The following SNX7 variants were observed in gnomAD, a reference collection of about 807,000 sequenced individuals.
SNX7 encodes sorting nexin-7.
A neutral mutation model predicts 48.4 loss-of-function variants in SNX7; 35 were observed. The ratio of observed to expected loss-of-function variants is 0.72; its 90% CI spans 0.55 to 0.96. SNX7 has a LOEUF of 0.96. Among genes scored for constraint, SNX7 ranks in the 40% least tolerant of loss-of-function variants. The pLI is 0.00. For missense variants in SNX7, 553 were observed against 548.9 expected, an observed-to-expected ratio of 1.01 and a Z score of -0.07; for synonymous variants, 190 against 190.2, an observed-to-expected ratio of 1.00 and a Z score of 0.01.
chr1:98,754,814 C>T (rs1358968388), intron 8 of SNX7, among the ~76,000 whole-genome samples: 2 of 151,564 alleles, frequency 1.3e-5, no homozygotes, highest in African/African-American at 4.8e-5. Context: ...CATTGAGTCC[C>T]ACTTTGCTCT....
chr1:98,661,717 G>A (rs1166878830), upstream of SNX7: 3 of 1,215,552 alleles, frequency 2.5e-6, no homozygotes, highest in African/African-American at 3.2e-5. Context: ...GGCCGGCTGG[G>A]CGCGCACTCT....
chr1:98,683,902 T>G (rs889383963), intron 1 of SNX7, among the ~76,000 whole-genome samples: 4 of 152,176 alleles, frequency 2.6e-5, no homozygotes, highest in African/African-American at 7.2e-5. Context: ...GCCCTCGAGC[T>G]CAGACCTTTC....
rs1342799122 is a variant in SNX7, at chr1:98,735,255, GAT to G, written c.1126-2978_1126-2977del. ...TATGCTTTTGTAAGTTGTTAGGAAA[GAT>G]ATAGTGCAGATTATTCTTAATTTGA... On this transcript the variant is annotated intron_variant, in intron 7 of 8. Coordinates refer to ENST00000306121, the MANE Select transcript of SNX7 (RefSeq NM_015976.5). 5.3e-5 allele frequency among the ~76,000 whole-genome samples: 8 copies of G among 152,104 alleles called. 1 individual carries two copies. Among genetic ancestry groups the G allele is most frequent in the Admixed American group, 3.3e-4 (5 of 15,240 alleles).
At chr1:98,695,186 G>A (rs1651383574) in intron 4 of SNX7, among the ~76,000 whole-genome samples, 1 of 152,050 alleles carries the variant, frequency 6.6e-6, no homozygotes, top group Non-Finnish European at 1.5e-5. Flanking sequence ...ATAAAATATA[G>A]ATGGTATGTC....
intron 7 of SNX7, among the ~76,000 whole-genome samples, chr1:98,731,046 G>C (rs1315906871): frequency 6.6e-6 from 1 of 151,958 alleles, no homozygotes; most frequent in Non-Finnish European, 1.5e-5. Flanking sequence ...TGGGTGATGG[G>C]TTGATAGGTG....
chr1:98,724,597 A>G (rs1165228925), intron 7 of SNX7, among the ~76,000 whole-genome samples: 1 of 152,176 alleles, frequency 6.6e-6, no homozygotes. Context: ...GTATGTATAG[A>G]GACAATCACG....
intron 8 of SNX7, among the ~76,000 whole-genome samples, chr1:98,739,194 A>G (rs997158468): frequency 3.3e-5 from 5 of 151,764 alleles, no homozygotes; most frequent in Admixed American, 6.6e-5. Flanking sequence ...TAGCGTTCAC[A>G]CTCTTGTGAG....
intron 6 of SNX7, among the ~76,000 whole-genome samples, chr1:98,701,575 T>A (rs1223547289): frequency 6.6e-6 from 1 of 151,864 alleles, no homozygotes; most frequent in African/African-American, 2.4e-5. Flanking sequence ...ATGGGTAAAA[T>A]GTGCATTAGG....
At chr1:98,711,425 C>T (rs545380507) in intron 7 of SNX7, among the ~76,000 whole-genome samples, 1,941 of 152,238 alleles carry the variant, frequency 0.013, 54 homozygotes, top group African/African-American at 0.045. Context: ...TTATTACAGG[C>T]ATACCTTGGA....
intron 1 of SNX7, among the ~76,000 whole-genome samples, chr1:98,673,886 ACT>A (rs1183392417): frequency 6.6e-6 from 1 of 151,872 alleles, no homozygotes; most frequent in Non-Finnish European, 1.5e-5. Flanking sequence ...CACTTAGAAA[ACT>A]CTCAGTATTT....
intron 1 of SNX7, among the ~76,000 whole-genome samples, chr1:98,682,497 A>T (rs1221294087): frequency 6.6e-6 from 1 of 152,146 alleles, no homozygotes; most frequent in Non-Finnish European, 1.5e-5. Context: ...TCTATTTCTG[A>T]AATGGCTTAA....
chr1:98,665,453 G>A (rs1649486706), intron 1 of SNX7, among the ~76,000 whole-genome samples: 1 of 152,058 alleles, frequency 6.6e-6, no homozygotes, highest in African/African-American at 2.4e-5. Context: ...AAAAAAACAT[G>A]ATCAATAGAA....
rs143919126 is a variant in SNX7, at chr1:98,680,290, C to T, written c.181-4595C>T. ...GGACACAGGACACCAAGTCCCTAGG[C>T]GGCACACAGTATGGGGACCCTGAGC... On this transcript the variant is annotated intron_variant, in intron 1 of 8. Coordinates refer to ENST00000306121, the MANE Select transcript of SNX7 (RefSeq NM_015976.5). 2.0e-3 allele frequency among the ~76,000 whole-genome samples: 304 copies of T among 152,172 alleles called. 4 individuals carry two copies. Among genetic ancestry groups the T allele is most frequent in the African/African-American group, 6.8e-3 (282 of 41,510 alleles).
At chr1:98,671,217 G>T (rs925307227) in intron 1 of SNX7, among the ~76,000 whole-genome samples, 3 of 152,020 alleles carry the variant, frequency 2.0e-5, no homozygotes, top group Non-Finnish European at 4.4e-5. Context: ...CATTTTCATT[G>T]GAGTCACCTT....
Position 98,698,788 on chromosome 1 carries a change from G to T in SNX7, c.921G>T (p.Lys307Asn). The T allele has an allele frequency of 6.2e-7, 1 of 1,613,608 alleles. No homozygotes were observed. The highest frequency in any genetic ancestry group is 8.5e-7 in the Non-Finnish European group (1 of 1,179,744). Residue 307 changes from lysine (K) to asparagine (N), a missense_variant, in exon 6 of 9, where the codon AAG becomes AAT. By Grantham distance (94) the Lys-to-Asn change is moderately conservative (BLOSUM62 0). Transcript: ENST00000306121. ...AAGAGGATCTGGTTGATACTCTAAA[G>T]GATGTTGCCAGCTGCATTGACAGAT... The part of the protein sequence containing the change: ...ASEEDLVDTL[K>N]DVASCIDRCC...
intron 7 of SNX7, among the ~76,000 whole-genome samples, chr1:98,721,233 G>T (rs1002306284): frequency 5.9e-5 from 9 of 152,162 alleles, no homozygotes; most frequent in African/African-American, 2.2e-4. Context: ...ATGCTGAACC[G>T]GTAGGTGTAG....
chr1:98,757,343 T>G (rs1243670843), intron 8 of SNX7, among the ~76,000 whole-genome samples: 1 of 152,036 alleles, frequency 6.6e-6, no homozygotes. Flanking sequence ...AAGTCTAAGA[T>G]CAAGGTGTCA....
At chr1:98,742,629 A>G (rs1462337330) in intron 8 of SNX7, among the ~76,000 whole-genome samples, 1 of 152,140 alleles carries the variant, frequency 6.6e-6, no homozygotes, top group Non-Finnish European at 1.5e-5. Context: ...TTTTCTGGTT[A>G]TAAAATTAAT....
rs1000858888 is a variant in SNX7 at position 98,661,744 on chromosome 1, C to A, written c.13C>A (p.Arg5Ser). The change falls in exon 1 of 9, where the codon CGC becomes AGC. Residue 5 changes from arginine to serine, a missense_variant. Transcript: ENST00000306121. ...GCGCACTCTCGGGATGGAGGGCGAG[C>A]GCCGGGCATCGCAGGCGCCCTCCTC... Reference protein sequence around the residue: MEGERRASQAPSSGL... With the variant: MEGESRASQAPSSGL... 8.1e-7 allele frequency: 1 copy of A among 1,232,144 alleles called. No individual in the cohort carries two copies. The highest frequency in any genetic ancestry group is 1.6e-5 in the African/African-American group (1 of 63,914). 76.3% of individuals were successfully genotyped at this position (1,232,144 alleles called of 1,614,324 possible). A position where few individuals can be genotyped will look rare whatever the true frequency, so the allele number is the denominator to read the frequency against.
Sources: allele counts gnomAD v4.1 joint callset (sites outside exome capture counted in the v4.1 genomes callset), GRCh38; gene constraint gnomAD v4.1.1; transcripts MANE v1.5; gene names NCBI Gene and HGNC (gene_info 2026-07-23, HGNC 2026-07-21).